The following IQGAP2 variants were observed in gnomAD, a reference collection of about 807,000 sequenced individuals.
IQGAP2 encodes the protein IQ motif containing GTPase activating protein 2, also known as ras GTPase-activating-like protein IQGAP2.
In IQGAP2, 173 loss-of-function variants were observed where a neutral mutation model predicts 201.3. The ratio of observed to expected loss-of-function variants is 0.86; its 90% confidence interval spans 0.76 to 0.98. The LOEUF (loss-of-function observed/expected upper bound fraction) is 0.98. IQGAP2 is among the 50% of genes least tolerant of loss of function. IQGAP2 has a pLI of 0.00. For missense variants in IQGAP2, 1,687 were observed against 1,864.8 expected (o/e 0.90, Z 1.76); for synonymous variants, 675 against 673.9 (o/e 1.00, Z -0.03).
intron 2 of IQGAP2, among the ~76,000 whole-genome samples, chr5:76,524,679 A>G (rs1758869496): frequency 6.6e-6 from 1 of 152,228 alleles, no homozygotes; most frequent in African/African-American, 2.4e-5. Flanking sequence ...TGAATCAACT[A>G]AGAAATATTT....
At chr5:76,498,510 C>T (rs916758047) in intron 2 of IQGAP2, among the ~76,000 whole-genome samples, 1 of 152,136 alleles carries the variant, frequency 6.6e-6, no homozygotes, top group Non-Finnish European at 1.5e-5. Context: ...AGCAGGGAGT[C>T]GGTTTGCATC....
chr5:76,678,713 G>A (rs571575330), intron 28 of IQGAP2, among the ~76,000 whole-genome samples: 1 of 152,258 alleles, frequency 6.6e-6, no homozygotes, highest in South Asian at 2.1e-4. Context: ...AGAACCAAAG[G>A]GAAAGCATAA....
intron 1 of IQGAP2, among the ~76,000 whole-genome samples, chr5:76,422,687 A>G (rs1751792445): frequency 6.6e-6 from 1 of 152,064 alleles, no homozygotes; most frequent in Non-Finnish European, 1.5e-5. Context: ...ATCTGGGGGG[A>G]TTGTGCTTCA....
intron 17 of IQGAP2, among the ~76,000 whole-genome samples, chr5:76,644,547 G>C (rs1384971752): frequency 2.0e-5 from 3 of 151,940 alleles, no homozygotes; most frequent in Non-Finnish European, 4.4e-5. Flanking sequence ...TGATCTGCCT[G>C]CCTCGGCTTT....
chr5:76,698,145 AAAGT>A lies in IQGAP2; in HGVS notation c.4367+3_4367+6del, dbSNP rs766102795. ...AGACTTGTTTAGACAACTTAAAAAGAAAGTAAGTTAAAATCATGTCATGTTCATT... is the reference window on the plus strand; with the variant it reads ...AGACTTGTTTAGACAACTTAAAAAGAAAGTTAAAATCATGTCATGTTCATT... On this transcript the variant is annotated splice_donor_variant and coding_sequence_variant, in exon 33 of 36. Coordinates refer to ENST00000274364, the MANE Select transcript of IQGAP2 (RefSeq NM_006633.5). LOFTEE classifies it high-confidence loss of function. 2 of 1,565,226 alleles carry A rather than the reference AAAGT, an allele frequency of 1.3e-6. No individual in the cohort carries two copies. Among genetic ancestry groups the A allele is most frequent in the Non-Finnish European group, 1.8e-6 (2 of 1,142,204 alleles).
rs1745462479 is a variant in IQGAP2 at position 76,683,254 on chromosome 5, TG to T, written c.3763+38del. ...TTCCTTCTACTTATCCCTTGGTTTT[TG>T]TTTAATTGGGTGGGTTGGTTGGTTG... On this transcript the variant is annotated intron_variant, in intron 29 of 35. Coordinates refer to ENST00000274364, the MANE Select transcript of IQGAP2 (RefSeq NM_006633.5). The T allele has an allele frequency of 1.4e-5, 20 of 1,464,676 alleles. 1 individual carries two copies. Among genetic ancestry groups the T allele is most frequent in the Middle Eastern group, 3.5e-4 (2 of 5,702 alleles). The allele number at this position is 1,464,676 out of a possible 1,614,324, so 90.7% of individuals were successfully genotyped here.
intron 15 of IQGAP2, among the ~76,000 whole-genome samples, chr5:76,634,649 A>T (rs1750979379): frequency 6.6e-6 from 1 of 152,162 alleles, no homozygotes; most frequent in Non-Finnish European, 1.5e-5. Flanking sequence ...TCTCACCTCC[A>T]GATAGAGCTA....
intron 31 of IQGAP2, among the ~76,000 whole-genome samples, chr5:76,694,650 T>TG (rs1186881009): frequency 6.6e-6 from 1 of 152,246 alleles, no homozygotes; most frequent in Non-Finnish European, 1.5e-5. Flanking sequence ...CAATGTTGGC[T>TG]GCTGCTTTTG....
chr5:76,565,188 C>A (rs1414825591), intron 3 of IQGAP2, among the ~76,000 whole-genome samples: 1 of 152,154 alleles, frequency 6.6e-6, no homozygotes, highest in Non-Finnish European at 1.5e-5. Context: ...GCAAGGAGAG[C>A]TAAATCATGG....
chr5:76,698,538 T>TA (rs1746967581), intron 33 of IQGAP2, among the ~76,000 whole-genome samples: 1 of 152,230 alleles, frequency 6.6e-6, no homozygotes, highest in African/African-American at 2.4e-5. Flanking sequence ...AGGTGTTTGC[T>TA]AATTGCACAG....
chr5:76,467,960 A>G (rs1431248812), intron 2 of IQGAP2, among the ~76,000 whole-genome samples: 1 of 152,186 alleles, frequency 6.6e-6, no homozygotes, highest in African/African-American at 2.4e-5. Flanking sequence ...GGGGAAGAAG[A>G]GAAATGCTGG....
intron 5 of IQGAP2, among the ~76,000 whole-genome samples, chr5:76,585,481 ATTTG>A (rs1253721451): frequency 6.6e-6 from 1 of 151,232 alleles, no homozygotes; most frequent in Non-Finnish European, 1.5e-5. Flanking sequence ...ATTTTTGATT[ATTTG>A]TTCATCTATT....
Position 76,637,040 on chromosome 5 carries a change from G to GTGA in IQGAP2, c.1788_1790dup (p.Asp597dup), listed in dbSNP as rs1751189802. 3 of 1,606,168 alleles carry GTGA rather than the reference G, an allele frequency of 1.9e-6. No individual in the cohort carries two copies. The African/African-American group carries it at 4.0e-5, about 22-fold the overall frequency. On this transcript the variant is annotated inframe_insertion, in exon 16 of 36. Coordinates refer to ENST00000274364, the MANE Select transcript of IQGAP2 (RefSeq NM_006633.5). Reference sequence around the variant, plus strand: ...AACAAACTTTTTTCTTTAGTGTCTAGTGACGGTTCATGGCTCAAACTCAAC... The same window carrying GTGA: ...AACAAACTTTTTTCTTTAGTGTCTAGTGATGACGGTTCATGGCTCAAACTCAAC...
Position 76,641,120 on chromosome 5 carries a change from C to G in IQGAP2, c.2094+17C>G. ...AAAATACAGGTATGTGGATCACCTGCCACTGTTTACACAAAACTGTCATAT... is the reference window on the plus strand; with the variant it reads ...AAAATACAGGTATGTGGATCACCTGGCACTGTTTACACAAAACTGTCATAT... On this transcript the variant is annotated intron_variant, in intron 17 of 35. Transcript: ENST00000274364. The G allele has an allele frequency of 6.5e-7, 1 of 1,543,646 alleles. No homozygotes were observed.
chr5:76,503,641 G>A (rs1012691280), intron 2 of IQGAP2, among the ~76,000 whole-genome samples: 1 of 151,794 alleles, frequency 6.6e-6, no homozygotes, highest in Non-Finnish European at 1.5e-5. Flanking sequence ...ACCCAGGCTG[G>A]AGTGTAGTGG....
At chr5:76,427,895 C>A (rs1752103788) in intron 1 of IQGAP2, among the ~76,000 whole-genome samples, 1 of 152,240 alleles carries the variant, frequency 6.6e-6, no homozygotes, top group African/African-American at 2.4e-5. Context: ...TGCTCGCAGA[C>A]CCTTCTCTGT....
chr5:76,475,620 T>A (rs1033666544), intron 2 of IQGAP2, among the ~76,000 whole-genome samples: 1 of 152,200 alleles, frequency 6.6e-6, no homozygotes. Context: ...TTTCACAGGA[T>A]GACATACAGG....
Position 76,701,560 on chromosome 5 carries a change from T to G in IQGAP2, c.4505+347T>G, listed in dbSNP as rs545091517. On this transcript the variant is annotated intron_variant, in intron 34 of 35. Coordinates refer to ENST00000274364, the MANE Select transcript of IQGAP2 (RefSeq NM_006633.5). The stretch of plus-strand genomic sequence containing the variant: ...AGCACCTTTCTCATTTAAAATAGGC[T>G]GTGCCAACCCCTGGATCAGAGCCAT... 3 of 204,074 alleles carry G rather than the reference T, an allele frequency of 1.5e-5. No individual in the cohort carries two copies. The South Asian group carries it at 3.0e-4, about 20-fold the overall frequency. The allele number at this position is 204,074 out of a possible 1,614,324, so 12.6% of individuals were successfully genotyped here.
chr5:76,439,341 AAT>A (rs1752897301), intron 1 of IQGAP2, among the ~76,000 whole-genome samples: 1 of 152,152 alleles, frequency 6.6e-6, no homozygotes, highest in Admixed American at 6.5e-5. Flanking sequence ...ATGTTTTGTA[AAT>A]ATCTGTTAGG....
Sources: gnomAD v4.1 joint callset for allele counts (sites outside exome capture counted in the v4.1 genomes callset) on GRCh38, gnomAD v4.1.1 for gene constraint, MANE v1.5 for transcripts, NCBI Gene and HGNC (gene_info 2026-07-23, HGNC 2026-07-21) for gene names.